Variants in ARAP1 observed in about 807,000 individuals in gnomAD.
ARAP1 encodes ArfGAP with RhoGAP domain, ankyrin repeat and PH domain 1.
ARAP1 carries 76 observed loss-of-function variants against 172.2 expected under a neutral mutation model. The ratio of observed to expected loss-of-function variants is 0.44; its 90% confidence interval spans 0.37 to 0.53. The LOEUF (loss-of-function observed/expected upper bound fraction) is 0.53. Among genes scored for constraint, ARAP1 ranks in the 20% least tolerant of loss-of-function variants. The pLI is 0.00. For missense variants in ARAP1, 1,686 were observed against 1,977.5 expected, an observed-to-expected ratio of 0.85 and a Z score of 2.80; for synonymous variants, 804 against 803.3, an observed-to-expected ratio of 1.00 and a Z score of -0.01.
At chr11:72,729,245 A>C (rs1223618813) in intron 2 of ARAP1, among the ~76,000 whole-genome samples, 1 of 152,204 alleles carries the variant, frequency 6.6e-6, no homozygotes, top group East Asian at 1.9e-4. Context: ...GTGGATCCCT[A>C]TCTCACACTT....
chr11:72,687,794 C>T (rs1274137828), intron 31 of ARAP1, 56 bp from the exon 32 acceptor site: 2 of 1,596,700 alleles, frequency 1.3e-6, no homozygotes, highest in African/African-American at 1.3e-5. Flanking sequence ...AGGCTCAACA[C>T]CCCAGTTCCC....
At position 72,693,625 on chromosome 11, in the gene ARAP1, C is replaced by A; in HGVS notation, c.3808+67G>T. On this transcript the variant is annotated intron_variant, in intron 28 of 34. Coordinates refer to ENST00000393609, the MANE Select transcript of ARAP1 (RefSeq NM_001040118.3). This position sits in a 1 kb window ranked among gnomAD's most constrained non-coding sequence, Gnocchi z 4.6. ...CTGAGCTGTTCCTACCTGGCACCAC[C>A]AGGTCCCACCCTGGCTCTGGAAGAG... 6.5e-7 allele frequency: 1 copy of A among 1,533,186 alleles called. No individual in the cohort carries two copies. 95.0% of individuals were successfully genotyped at this position (1,533,186 alleles called of 1,614,324 possible).
Position 72,712,255 on chromosome 11 carries a change from GC to G in ARAP1, c.962del (p.Gly321AlafsTer30). 4 of 1,605,816 alleles carry G rather than the reference GC, an allele frequency of 2.5e-6. No homozygotes were observed. The highest frequency in any genetic ancestry group is 1.7e-6 in the Non-Finnish European group (2 of 1,175,946). On this transcript the variant is annotated frameshift_variant, in exon 7 of 35. Coordinates refer to ENST00000393609, the MANE Select transcript of ARAP1 (RefSeq NM_001040118.3). LOFTEE classifies it high-confidence loss of function. ...APHPMDGPPG[G>X]STPVTPVIKA... ...TGATGACTGGTGTGACGGGGGTGGA[GC>G]CCCCAGGCGGCCCGTCCATGGGGTG...
chr11:72,751,094 T>C (rs765164189), intron 1 of ARAP1, among the ~76,000 whole-genome samples: 21 of 152,130 alleles, frequency 1.4e-4, no homozygotes, highest in Non-Finnish European at 2.5e-4. Flanking sequence ...TCTGGTGGCC[T>C]CTGCCCCCTC....
At chr11:72,748,751 T>G (rs1286348467) in intron 1 of ARAP1, among the ~76,000 whole-genome samples, 1 of 152,196 alleles carries the variant, frequency 6.6e-6, no homozygotes, top group Non-Finnish European at 1.5e-5. Flanking sequence ...GTCATCTGCC[T>G]CCAGGTGGGA....
chr11:72,726,631 G>A lies in ARAP1; in HGVS notation c.498C>T (p.Arg166=). 1.3e-6 allele frequency: 2 copies of A among 1,514,444 alleles called. No individual in the cohort carries two copies. Among genetic ancestry groups the A allele is most frequent in the Non-Finnish European group, 1.8e-6 (2 of 1,129,870 alleles). 93.8% of individuals were successfully genotyped at this position (1,514,444 alleles called of 1,614,324 possible). A position where few individuals can be genotyped will look rare whatever the true frequency, so the allele number is the denominator to read the frequency against. ...PPVPPRTGPP[R]LLVSLPTKEE... is the part of the protein sequence containing the mutation. ...TGGCATCCACTCACCTCACCAGCAG[G>A]CGGGGGGGTCCGGTGCGGGGCGGCA... Residue 166 remains arginine, a synonymous_variant, in exon 3 of 35, where the codon CGC becomes CGT. Coordinates refer to ENST00000393609, the MANE Select transcript of ARAP1 (RefSeq NM_001040118.3). This position sits in a 1 kb window ranked among gnomAD's most constrained non-coding sequence, Gnocchi z 6.5.
intron 11 of ARAP1, 32 bp from the exon 12 acceptor site, chr11:72,707,406 G>A (rs775195421): frequency 3.2e-6 from 5 of 1,584,050 alleles, no homozygotes; most frequent in Admixed American, 3.4e-5. Context: ...GATTAGTGGG[G>A]ATGGACTCAG....
Position 72,695,883 on chromosome 11 carries a change from A to G in ARAP1, c.3273-18T>C, listed in dbSNP as rs1187906254. ...ACTGAACACTGGAGAGGGGAGGAGG[A>G]GGGCTTTGAGTGAGGAGTCAGGCCA... is the stretch of plus-strand genomic sequence containing the variant. On this transcript the variant is annotated intron_variant, in intron 23 of 34. Transcript: ENST00000393609. This position sits in a 1 kb window ranked among gnomAD's most constrained non-coding sequence, Gnocchi z 4.4. 1.9e-6 allele frequency: 3 copies of G among 1,602,616 alleles called. No individual in the cohort carries two copies. Among genetic ancestry groups the G allele is most frequent in the South Asian group, 2.3e-5 (2 of 88,686 alleles).
intron 4 of ARAP1, among the ~76,000 whole-genome samples, 200 bp from the exon 5 acceptor site, chr11:72,713,443 G>A (rs192425381): frequency 6.6e-6 from 1 of 152,342 alleles, no homozygotes; most frequent in East Asian, 1.9e-4. Context: ...GGGTGGCAGA[G>A]GAGAAGCTGG....
chr11:72,685,602 G>A lies in ARAP1; in HGVS notation c.*62C>T. The A allele has an allele frequency of 6.2e-7, 1 of 1,611,402 alleles. No individual in the cohort carries two copies. Among genetic ancestry groups the A allele is most frequent in the Non-Finnish European group, 8.5e-7 (1 of 1,177,550 alleles). ...GCTCACATCAGGCCTTGGAGCATAA[G>A]GGGTGTCTGAACAGAAGGCTTCCAG... On this transcript the variant is annotated 3_prime_UTR_variant, in exon 35 of 35. Coordinates refer to ENST00000393609, the MANE Select transcript of ARAP1 (RefSeq NM_001040118.3).
At chr11:72,716,172 CAAAAAAAAA>C (rs201462857) in intron 3 of ARAP1, among the ~76,000 whole-genome samples, 151 of 73,294 alleles carry the variant, frequency 2.1e-3, no homozygotes, top group Middle Eastern at 0.014. Context: ...GACTCCGTCT[CAAAAAAAAA>C]AAAAAAAAAA....
At chr11:72,692,901 G>A (rs1035894657) in intron 29 of ARAP1, 116 bp from the exon 30 acceptor site, 1 of 1,370,336 alleles carries the variant, frequency 7.3e-7, no homozygotes, top group African/African-American at 1.4e-5. Context: ...AGAAGGTGGA[G>A]GGTGTCAAAT....
At chr11:72,720,456 G>A (rs539844692) in intron 3 of ARAP1, among the ~76,000 whole-genome samples, 50 of 152,228 alleles carry the variant, frequency 3.3e-4, no homozygotes, top group Non-Finnish European at 1.9e-4. Flanking sequence ...GGATGTCCAC[G>A]GTCTGCTTCT....
chr11:72,744,251 C>G (rs1858288009), intron 1 of ARAP1, among the ~76,000 whole-genome samples: 1 of 152,186 alleles, frequency 6.6e-6, no homozygotes, highest in African/African-American at 2.4e-5. Context: ...CCAGGGATAC[C>G]TGTGTCCCAA....
chr11:72,727,062 A>G lies in ARAP1; in HGVS notation c.67T>C (p.Tyr23His). The change falls in exon 3 of 35, where the codon TAC becomes CAC. Residue 23 changes from tyrosine (Y) to histidine (H), a missense_variant. Coordinates refer to ENST00000393609, the MANE Select transcript of ARAP1 (RefSeq NM_001040118.3). ...EWLRALHLEQ[Y>H]TGLFEQHGLV... is the part of the protein sequence containing the mutation. ...CCATGCTGCTCAAAGAGCCCCGTGT[A>G]CTGCTCCAGGTGCAATGCCCGCAGC... The G allele has an allele frequency of 6.2e-7, 1 of 1,607,012 alleles. No individual in the cohort carries two copies. Among genetic ancestry groups the G allele is most frequent in the Non-Finnish European group, 8.5e-7 (1 of 1,175,340 alleles).
chr11:72,708,662 G>GAGGC, intron 11 of ARAP1: 1 of 152,616 alleles, frequency 6.6e-6, no homozygotes, highest in African/African-American at 2.4e-5. Context: ...CAAGAGTGAG[G>GAGGC]AGGCAGGCGC....
intron 18 of ARAP1, 74 bp downstream of exon 18, chr11:72,698,931 A>T (rs1395597400): frequency 2.1e-6 from 3 of 1,455,348 alleles, no homozygotes; most frequent in Non-Finnish European, 2.9e-6. Context: ...GAGCTGGGAT[A>T]CATGGGATTG....
At chr11:72,728,985 G>A (rs1028404929) in intron 2 of ARAP1, among the ~76,000 whole-genome samples, 16 of 152,200 alleles carry the variant, frequency 1.1e-4, no homozygotes, top group Non-Finnish European at 1.5e-4. Flanking sequence ...GGTGGAGGGC[G>A]GGGAGGGTAA....
chr11:72,710,311 G>T lies in ARAP1; in HGVS notation c.1416+74C>A. 1 of 1,561,018 alleles carries T rather than the reference G, an allele frequency of 6.4e-7. No individual in the cohort carries two copies. The highest frequency in any genetic ancestry group is 8.8e-7 in the Non-Finnish European group (1 of 1,137,694). On this transcript the variant is annotated intron_variant, in intron 10 of 34. Transcript: ENST00000393609. The surrounding 1 kb of genome is among the most constrained non-coding windows in gnomAD (Gnocchi z 4.3). ...GAAAAGAGGGAACAGAAAAGGCAGGGCTAAGGCCCTAGGTCAGCCTGGGGC... is the reference window on the plus strand; with the variant it reads ...GAAAAGAGGGAACAGAAAAGGCAGGTCTAAGGCCCTAGGTCAGCCTGGGGC...
Sources: gnomAD v4.1 joint callset for allele counts (sites outside exome capture counted in the v4.1 genomes callset) on GRCh38, gnomAD v4.1.1 for gene constraint, Gnocchi (gnomAD v3.1) non-coding constraint, MANE v1.5 for transcripts, NCBI Gene and HGNC (gene_info 2026-07-23, HGNC 2026-07-21) for gene names.